Variants in GPR158 observed in about 807,000 individuals in gnomAD.
GPR158 encodes the protein G protein-coupled receptor 158, also known as metabotropic glycine receptor.
GPR158 carries 30 observed loss-of-function variants against 78.2 expected under a neutral mutation model. The ratio of observed to expected loss-of-function variants is 0.38; its 90% confidence interval spans 0.29 to 0.52. GPR158 has a LOEUF of 0.52. Ranked by LOEUF, GPR158 falls within the 20% of genes least tolerant of loss-of-function variation. GPR158 has a pLI of 0.83. For missense variants in GPR158, 1,463 were observed against 1,523.5 expected (o/e 0.96, Z 0.66); for synonymous variants, 581 against 591.1 (o/e 0.98, Z 0.25).
chr10:25,439,404 G>A (rs898255316), intron 4 of GPR158, among the ~76,000 whole-genome samples: 3 of 152,134 alleles, frequency 2.0e-5, no homozygotes, highest in Admixed American at 6.5e-5. Context: ...CCCACAATAC[G>A]TGGGAATTAT....
intron 2 of GPR158, among the ~76,000 whole-genome samples, chr10:25,237,182 C>G (rs1564398324): frequency 6.6e-6 from 1 of 152,108 alleles, no homozygotes; most frequent in Non-Finnish European, 1.5e-5. Flanking sequence ...TCTTAAGACC[C>G]ATAAGAAAGA....
intron 2 of GPR158, among the ~76,000 whole-genome samples, chr10:25,345,021 A>G (rs1200014168): frequency 6.6e-6 from 1 of 152,046 alleles, no homozygotes; most frequent in East Asian, 1.9e-4. Flanking sequence ...TCACCTTCCA[A>G]AGATCTCACC....
chr10:25,176,199 A>G lies in GPR158; in HGVS notation c.779A>G (p.Lys260Arg). 6.3e-7 allele frequency: 1 copy of G among 1,584,266 alleles called. No homozygotes were observed. The highest frequency in any genetic ancestry group is 8.6e-7 in the Non-Finnish European group (1 of 1,166,192). The stretch of plus-strand genomic sequence containing the variant: ...CGCAAGGACGGGCTCGGCGGGGACA[A>G]GAGCCACTTCAAGTGGTCTCCGCCT... ...WRRKDGLGGD[K>R]SHFKWSPPYL... Residue 260 changes from lysine to arginine, a missense_variant, in exon 1 of 11, where the codon AAG becomes AGG. Physicochemically the swap from Lys to Arg is conservative, Grantham distance 26. Transcript: ENST00000376351. This position sits in a 1 kb window ranked among gnomAD's most constrained non-coding sequence, Gnocchi z 6.3.
chr10:25,511,925 G>A (rs1183065514), intron 5 of GPR158, among the ~76,000 whole-genome samples: 2 of 152,070 alleles, frequency 1.3e-5, no homozygotes, highest in Non-Finnish European at 2.9e-5. Flanking sequence ...ATGTTGTTTT[G>A]GGGATTATGG....
chr10:25,248,281 A>C (rs961893918), intron 2 of GPR158, among the ~76,000 whole-genome samples: 2 of 152,028 alleles, frequency 1.3e-5, no homozygotes, highest in Non-Finnish European at 2.9e-5. Flanking sequence ...ATTCACTCTG[A>C]TGGTAGTTTC....
At chr10:25,258,783 C>T (rs906452199) in intron 2 of GPR158, among the ~76,000 whole-genome samples, 4 of 152,080 alleles carry the variant, frequency 2.6e-5, no homozygotes, top group African/African-American at 4.8e-5. Flanking sequence ...ACCGCCTGTA[C>T]AGTGGAAAAT....
chr10:25,324,958 C>T (rs374563532), intron 2 of GPR158, among the ~76,000 whole-genome samples: 1 of 150,938 alleles, frequency 6.6e-6, no homozygotes, highest in African/African-American at 2.4e-5. Flanking sequence ...CCTGCCTCAA[C>T]TTCCCGAGTA....
At chr10:25,567,379 A>G (rs1217923095) in intron 6 of GPR158, among the ~76,000 whole-genome samples, 2 of 152,146 alleles carry the variant, frequency 1.3e-5, no homozygotes, top group Admixed American at 1.3e-4. Flanking sequence ...AATTACCTGA[A>G]AAGTTTGTTA....
chr10:25,368,840 T>C (rs1210537136), intron 2 of GPR158, among the ~76,000 whole-genome samples: 2 of 144,772 alleles, frequency 1.4e-5, no homozygotes, highest in African/African-American at 5.2e-5. Flanking sequence ...TCCTCTTTTA[T>C]TTCCTTGAGC....
At chr10:25,524,729 A>G (rs1288430558) in intron 5 of GPR158, among the ~76,000 whole-genome samples, 1 of 152,216 alleles carries the variant, frequency 6.6e-6, no homozygotes, top group African/African-American at 2.4e-5. Context: ...GGGGTAAGCA[A>G]TGGTTTCTTA....
intron 5 of GPR158, among the ~76,000 whole-genome samples, chr10:25,525,863 T>C (rs770470202): frequency 6.6e-6 from 1 of 152,008 alleles, no homozygotes; most frequent in Non-Finnish European, 1.5e-5. Flanking sequence ...TCCCAGCACT[T>C]TGGGAGGCTG....
intron 2 of GPR158, among the ~76,000 whole-genome samples, chr10:25,337,993 T>C (rs1026735501): frequency 6.6e-6 from 1 of 152,006 alleles, no homozygotes; most frequent in Non-Finnish European, 1.5e-5. Flanking sequence ...TATTGACCTA[T>C]AAGAATTCAT....
At chr10:25,491,460 T>C (rs887094121) in intron 5 of GPR158, among the ~76,000 whole-genome samples, 3 of 152,330 alleles carry the variant, frequency 2.0e-5, no homozygotes, top group Admixed American at 6.5e-5. Flanking sequence ...GTATAAGCCT[T>C]TGTTTAAGTC....
In GPR158 at chr10:25,189,500, G is replaced by A. The variant is rs56920946; in HGVS notation, c.902+13178G>A. ...TGTCCTTTGTAGGGACATGGATAAAGCTGGAAACCGTCATTCTCAGCAAAC... is the reference window on the plus strand; with the variant it reads ...TGTCCTTTGTAGGGACATGGATAAAACTGGAAACCGTCATTCTCAGCAAAC... On this transcript the variant is annotated intron_variant, in intron 1 of 10. Transcript: ENST00000376351. 4.1e-4 allele frequency among the ~76,000 whole-genome samples: 63 copies of A among 152,216 alleles called. No individual in the cohort carries two copies. The East Asian group carries it at 0.01, about 25-fold the overall frequency.
intron 2 of GPR158, among the ~76,000 whole-genome samples, chr10:25,248,255 A>G (rs1033979746): frequency 4.0e-5 from 6 of 151,854 alleles, no homozygotes; most frequent in Non-Finnish European, 8.8e-5. Flanking sequence ...ATTTTCTCCC[A>G]TTTTGTAGGT....
chr10:25,453,778 A>G (rs796442584), intron 4 of GPR158, among the ~76,000 whole-genome samples: 10 of 152,244 alleles, frequency 6.6e-5, no homozygotes, highest in African/African-American at 2.2e-4. Context: ...ATTCTGTTCC[A>G]TAGGTTTGCG....
chr10:25,506,600 T>C (rs1235539896), intron 5 of GPR158, among the ~76,000 whole-genome samples: 1 of 152,254 alleles, frequency 6.6e-6, no homozygotes, highest in Non-Finnish European at 1.5e-5. Flanking sequence ...ACAACTCTGC[T>C]GTGTGTTCAC....
At chr10:25,480,830 C>T (rs1019268912) in intron 5 of GPR158, among the ~76,000 whole-genome samples, 1 of 152,158 alleles carries the variant, frequency 6.6e-6, no homozygotes, top group African/African-American at 2.4e-5. Flanking sequence ...TACCGTGTGC[C>T]TTTCAGGAGA....
At chr10:25,288,938 G>T (rs1471889489) in intron 2 of GPR158, among the ~76,000 whole-genome samples, 1 of 152,040 alleles carries the variant, frequency 6.6e-6, no homozygotes, top group African/African-American at 2.4e-5. Flanking sequence ...TACCCCTTAA[G>T]GGCAGACTTT....
Sources: gnomAD v4.1 joint callset for allele counts (sites outside exome capture counted in the v4.1 genomes callset) on GRCh38, gnomAD v4.1.1 for gene constraint, Gnocchi (gnomAD v3.1) non-coding constraint, MANE v1.5 for transcripts, NCBI Gene and HGNC (gene_info 2026-07-23, HGNC 2026-07-21) for gene names.